TOX: variants seen among roughly 807,000 people sequenced by gnomAD.
TOX encodes thymocyte selection-associated high mobility group box protein TOX.
A neutral mutation model predicts 53.7 loss-of-function variants in TOX; 11 were observed. The observed-to-expected ratio is 0.20, with a 90% CI of 0.13 to 0.34. The LOEUF is 0.34. Among genes scored for constraint, TOX ranks in the 10% least tolerant of loss-of-function variants. The pLI, the probability that TOX is intolerant of heterozygous loss-of-function variation, is 1.00. For missense variants in TOX, 570 were observed against 664.6 expected, an observed-to-expected ratio of 0.86 and a Z score of 1.56; for synonymous variants, 225 against 245.3, an observed-to-expected ratio of 0.92 and a Z score of 0.77.
chr8:58,827,470 A>G (rs1439262883), intron 5 of TOX, among the ~76,000 whole-genome samples: 1 of 152,164 alleles, frequency 6.6e-6, no homozygotes, highest in Non-Finnish European at 1.5e-5. Context: ...GTGATTAAGG[A>G]CACGTTTGGG....
intron 1 of TOX, among the ~76,000 whole-genome samples, chr8:58,986,541 T>C (rs1439769233): frequency 6.6e-6 from 1 of 152,252 alleles, no homozygotes; most frequent in Admixed American, 6.5e-5. Context: ...TTGAATTATG[T>C]ATCCTATTTT....
At chr8:59,114,832 A>C (rs1805075473) in intron 1 of TOX, among the ~76,000 whole-genome samples, 1 of 152,202 alleles carries the variant, frequency 6.6e-6, no homozygotes, top group Non-Finnish European at 1.5e-5. Flanking sequence ...ACATTAAAGT[A>C]TAATACATAA....
intron 3 of TOX, among the ~76,000 whole-genome samples, chr8:58,876,975 C>T (rs543126736): frequency 1.3e-5 from 2 of 152,126 alleles, no homozygotes; most frequent in African/African-American, 2.4e-5. Context: ...GGAAGAGGCA[C>T]GTTAATAATT....
intron 1 of TOX, among the ~76,000 whole-genome samples, chr8:59,113,723 G>A (rs1805058010): frequency 6.6e-6 from 1 of 152,090 alleles, no homozygotes; most frequent in Non-Finnish European, 1.5e-5. Flanking sequence ...AGTTGGAGTG[G>A]CTGGGAAATG....
intron 1 of TOX, among the ~76,000 whole-genome samples, chr8:59,074,028 A>G (rs1439337809): frequency 6.6e-6 from 1 of 152,150 alleles, no homozygotes; most frequent in African/African-American, 2.4e-5. Flanking sequence ...TCAATCTTCC[A>G]CTTCAAACCA....
chr8:58,819,611 C>T (rs533003531), intron 6 of TOX, among the ~76,000 whole-genome samples: 6 of 152,166 alleles, frequency 3.9e-5, no homozygotes, highest in Non-Finnish European at 8.8e-5. Flanking sequence ...CTGAAGATAC[C>T]TTTTACTAAC....
chr8:58,832,321 T>G (rs1810474957), intron 5 of TOX, among the ~76,000 whole-genome samples: 1 of 151,780 alleles, frequency 6.6e-6, no homozygotes, highest in African/African-American at 2.4e-5. Context: ...TTGCTTACAT[T>G]CTACAGTTTT....
At chr8:59,071,767 G>T (rs951553562) in intron 1 of TOX, among the ~76,000 whole-genome samples, 13 of 152,128 alleles carry the variant, frequency 8.5e-5, no homozygotes, top group African/African-American at 2.9e-4. Context: ...GCTGAATATG[G>T]ATCTATATCT....
chr8:58,858,958 T>C (rs1187560997), intron 3 of TOX, among the ~76,000 whole-genome samples: 2 of 152,170 alleles, frequency 1.3e-5, no homozygotes, highest in Non-Finnish European at 2.9e-5. Flanking sequence ...GATTACATAT[T>C]TTTGCCAGGG....
At chr8:58,859,483 C>T (rs557235416) in intron 3 of TOX, among the ~76,000 whole-genome samples, 26 of 152,188 alleles carry the variant, frequency 1.7e-4, no homozygotes, top group Non-Finnish European at 3.1e-4. Flanking sequence ...CTTTACAGTA[C>T]GCTACAATAG....
chr8:59,040,103 G>C (rs13249979), intron 1 of TOX, among the ~76,000 whole-genome samples: 10,680 of 152,198 alleles, frequency 0.07, 420 homozygotes, highest in East Asian at 0.2. Context: ...GCCGAGGCGG[G>C]CGGATCACGA....
chr8:58,843,528 C>T (rs1280699340), intron 4 of TOX, among the ~76,000 whole-genome samples: 1 of 152,116 alleles, frequency 6.6e-6, no homozygotes, highest in African/African-American at 2.4e-5. Context: ...TTATATTGCT[C>T]AATGTTCCTG....
chr8:58,862,031 A>G (rs1006866627), intron 3 of TOX, among the ~76,000 whole-genome samples: 3 of 152,178 alleles, frequency 2.0e-5, no homozygotes, highest in African/African-American at 7.2e-5. Context: ...AACTTATTGG[A>G]GACTTGAAGA....
intron 2 of TOX, among the ~76,000 whole-genome samples, chr8:58,946,119 T>A (rs2129177124): frequency 6.6e-6 from 1 of 152,292 alleles, no homozygotes; most frequent in African/African-American, 2.4e-5. Context: ...AACATATACA[T>A]AATGCACTAA....
Position 58,807,095 on chromosome 8 carries a change from A to C in TOX, c.*652T>G, listed in dbSNP as rs1441549967. ...AATACTAGTTTCTTTTTGTCTGATC[A>C]ATGAGACAAAGCCAATTTGTTTTTA... On this transcript the variant is annotated 3_prime_UTR_variant, in exon 9 of 9. Coordinates refer to ENST00000361421, the MANE Select transcript of TOX (RefSeq NM_014729.3). The C allele has an allele frequency of 6.5e-6, 1 of 152,674 alleles. No individual in the cohort carries two copies. The highest frequency in any genetic ancestry group is 1.5e-5 in the Non-Finnish European group (1 of 68,038). 9.5% of individuals were successfully genotyped at this position (152,674 alleles called of 1,614,324 possible).
At chr8:59,093,020 G>C (rs1296792251) in intron 1 of TOX, among the ~76,000 whole-genome samples, 1 of 152,182 alleles carries the variant, frequency 6.6e-6, no homozygotes, top group Non-Finnish European at 1.5e-5. Flanking sequence ...ACACCAACAA[G>C]TAAGTGAGTA....
chr8:58,834,415 G>C (rs184654407), intron 5 of TOX, among the ~76,000 whole-genome samples: 1 of 152,270 alleles, frequency 6.6e-6, no homozygotes, highest in East Asian at 1.9e-4. Context: ...CCTCGAATCT[G>C]CTCCAGGAAC....
At chr8:58,857,200 C>A (rs1207795315) in intron 3 of TOX, among the ~76,000 whole-genome samples, 1 of 152,032 alleles carries the variant, frequency 6.6e-6, no homozygotes, top group Non-Finnish European at 1.5e-5. Context: ...GTTATAAATC[C>A]TTAATCTTTT....
intron 1 of TOX, among the ~76,000 whole-genome samples, chr8:58,988,366 T>C (rs1375305609): frequency 6.6e-6 from 1 of 152,226 alleles, no homozygotes; most frequent in East Asian, 1.9e-4. Flanking sequence ...AGCCATGTTC[T>C]TTCATTTCTG....
Sources: allele counts gnomAD v4.1 joint callset (sites outside exome capture counted in the v4.1 genomes callset), GRCh38; gene constraint gnomAD v4.1.1; transcripts MANE v1.5; gene names NCBI Gene and HGNC (gene_info 2026-07-23, HGNC 2026-07-21).